Variants in RIF1 observed in about 807,000 individuals in gnomAD.
RIF1 encodes the protein replication timing regulatory factor 1, also known as telomere-associated protein RIF1.
A neutral mutation model predicts 247.1 loss-of-function variants in RIF1; 45 were observed. The ratio of observed to expected loss-of-function variants is 0.18; its 90% confidence interval spans 0.14 to 0.23. The LOEUF is 0.23. Among genes scored for constraint, RIF1 ranks in the 10% least tolerant of loss-of-function variants. The pLI is 1.00. For missense variants in RIF1, 2,967 were observed against 2,862.5 expected (o/e 1.04, Z -0.83); for synonymous variants, 1,087 against 978.8 (o/e 1.11, Z -2.06).
At position 151,429,025 on chromosome 2, in the gene RIF1, T is replaced by A. The variant is rs1011382397; in HGVS notation, c.925+103T>A. On this transcript the variant is annotated intron_variant, in intron 9 of 35. Transcript: ENST00000444746. ...TTTTGGATTTTAAGTTGAAGTTAAG[T>A]AACTACTGAATTATTTTCATTTTAA... The A allele has an allele frequency of 7.3e-6, 5 of 688,164 alleles. No homozygotes were observed. In the East Asian group the frequency reaches 1.4e-4, roughly 19 times the overall value. The allele number at this position is 688,164 out of a possible 1,614,324, so 42.6% of individuals were successfully genotyped here.
chr2:151,514,548 A>G, the RIF1 span: 382 of 800,874 alleles, frequency 4.8e-4, 2 homozygotes, highest in East Asian at 5.0e-3. Context: ...GTAAGTAAAA[A>G]TATGAATACA....
intron 3 of RIF1, among the ~76,000 whole-genome samples, chr2:151,413,906 T>C (rs901591731): frequency 6.6e-6 from 1 of 152,224 alleles, no homozygotes; most frequent in Non-Finnish European, 1.5e-5. Context: ...GAGTAGGAAA[T>C]GGTACAAGGG....
In RIF1 at chr2:151,435,467, G is replaced by A; in HGVS notation, c.1082G>A (p.Cys361Tyr). 1 of 1,593,228 alleles carries A rather than the reference G, an allele frequency of 6.3e-7. No homozygotes were observed. Among genetic ancestry groups the A allele is most frequent in the Non-Finnish European group, 8.6e-7 (1 of 1,161,248 alleles). The change falls in exon 11 of 36, where the codon TGT becomes TAT. Residue 361 changes from cysteine (C) to tyrosine (Y), a missense_variant. Transcript: ENST00000444746. ...ATGTTTTCTTTTACCCCATAGGTTT[G>A]TGTGCCTCTGATTCAAAGTACAATA... ...PHLPANFEQV[C>Y]VPLIQSTISI... is the part of the protein sequence containing the mutation.
intron 11 of RIF1, among the ~76,000 whole-genome samples, chr2:151,502,015 C>G (rs2065040844): frequency 6.6e-6 from 1 of 152,120 alleles, no homozygotes; most frequent in Non-Finnish European, 1.5e-5. Flanking sequence ...GCTGTGTTGT[C>G]TTTGAATGAA....
chr2:151,432,623 GGGATAATGA>G, intron 9 of RIF1, among the ~76,000 whole-genome samples: 1 of 152,198 alleles, frequency 6.6e-6, no homozygotes, highest in South Asian at 2.1e-4. Flanking sequence ...TTGTCAAATG[GGGATAATGA>G]GAATGCTAAA....
chr2:151,506,248 T>G (rs1320336855), exon 13 of RIF1: 1 of 1,612,300 alleles, frequency 6.2e-7, no homozygotes, highest in Non-Finnish European at 8.5e-7. Context: ...GACATCCTCT[T>G]TATATAAAAC....
chr2:151,506,156 G>T, intron 12 of RIF1: 1 of 1,596,118 alleles, frequency 6.3e-7, no homozygotes, highest in Non-Finnish European at 8.6e-7. Context: ...TGCATTCACT[G>T]TGTCTTTACC....
At chr2:151,502,387 T>TAA (rs34816284) in intron 11 of RIF1, among the ~76,000 whole-genome samples, 17 of 145,530 alleles carry the variant, frequency 1.2e-4, no homozygotes, top group African/African-American at 4.3e-4. Flanking sequence ...CATCTAAACA[T>TAA]AAAAAAAAAA....
chr2:151,530,988 A>C, the RIF1 span: 5 of 1,593,850 alleles, frequency 3.1e-6, no homozygotes, highest in Admixed American at 8.4e-5. Flanking sequence ...CCATTCTAGT[A>C]CTTACATCAC....
the RIF1 span, chr2:151,519,786 C>G: frequency 6.7e-7 from 1 of 1,496,598 alleles, no homozygotes; most frequent in Non-Finnish European, 9.3e-7. Flanking sequence ...CAAATGCAAA[C>G]ATCCAAATTA....
chr2:151,501,288 A>T, intron 11 of RIF1: 9 of 774,172 alleles, frequency 1.2e-5, no homozygotes, highest in South Asian at 2.0e-5. Context: ...TTAAAAAAAG[A>T]TTTTGTTAAA....
rs145117760 is a variant in RIF1 at position 151,481,823 on chromosome 2, C to A, written c.*6752C>A. 6.6e-6 allele frequency: 1 copy of A among 152,130 alleles called. No homozygotes were observed. Among genetic ancestry groups the A allele is most frequent in the African/African-American group, 2.4e-5 (1 of 41,414 alleles). 9.4% of individuals were successfully genotyped at this position (152,130 alleles called of 1,614,324 possible). ...GCACATGCAAGAGATCTAGGTTGTG[C>A]GCTCATTATGAGAATCTAATACCCG... On this transcript the variant is annotated 3_prime_UTR_variant, in exon 36 of 36. Coordinates refer to ENST00000444746, the MANE Select transcript of RIF1 (RefSeq NM_018151.5).
chr2:151,480,682 T>C lies in RIF1; in HGVS notation c.*5611T>C, dbSNP rs2049129675. ...ATAACTAGGAAGATCATCTTCAAAATAAAGTGTCATGGAACTGAAAATAGA... is the reference window on the plus strand; with the variant it reads ...ATAACTAGGAAGATCATCTTCAAAACAAAGTGTCATGGAACTGAAAATAGA... On this transcript the variant is annotated 3_prime_UTR_variant, in exon 36 of 36. Coordinates refer to ENST00000444746, the MANE Select transcript of RIF1 (RefSeq NM_018151.5). The C allele has an allele frequency of 6.6e-6, 1 of 152,192 alleles. No individual in the cohort carries two copies. Among genetic ancestry groups the C allele is most frequent in the South Asian group, 2.1e-4 (1 of 4,834 alleles). The allele number at this position is 152,192 out of a possible 1,614,324, so 9.4% of individuals were successfully genotyped here. A position where few individuals can be genotyped will look rare whatever the true frequency, so the allele number is the denominator to read the frequency against.
chr2:151,445,225 A>G (rs117208607), intron 18 of RIF1, 113 bp from the exon 19 acceptor site: 1 of 689,182 alleles, frequency 1.5e-6, no homozygotes, highest in East Asian at 2.6e-5. Context: ...CTTATTTTGA[A>G]TCTCATCATT....
intron 10 of RIF1, among the ~76,000 whole-genome samples, chr2:151,496,112 G>C (rs1014919660): frequency 1.3e-5 from 2 of 152,146 alleles, no homozygotes; most frequent in African/African-American, 2.4e-5. Context: ...TTGTTATTAT[G>C]GGGTTAGGCT....
At chr2:151,472,599 A>G (rs2048627758) in intron 34 of RIF1, among the ~76,000 whole-genome samples, 2 of 152,118 alleles carry the variant, frequency 1.3e-5, no homozygotes, top group Admixed American at 1.3e-4. Flanking sequence ...GAATTTTGTC[A>G]AAGGCCTTTT....
rs774004168 is a variant in RIF1 at position 151,416,707 on chromosome 2, T to C, written c.408+19T>C. On this transcript the variant is annotated intron_variant, in intron 5 of 35. Coordinates refer to ENST00000444746, the MANE Select transcript of RIF1 (RefSeq NM_018151.5). ...CAAAATGGTGAGTATAGTTTTTGGG[T>C]ATGCCATCTTAACTATATGCCAATT... 4 of 1,611,080 alleles carry C rather than the reference T, an allele frequency of 2.5e-6. No individual in the cohort carries two copies. In the Admixed American group the frequency reaches 5.1e-5, roughly 20 times the overall value.
At position 151,410,171 on chromosome 2, in the gene RIF1, G is replaced by A. The variant is rs531572998; in HGVS notation, c.-11+138G>A. 522 of 648,518 alleles carry A rather than the reference G, an allele frequency of 8.0e-4. 2 individuals carry two copies. In the Middle Eastern group the frequency reaches 0.011, roughly 13 times the overall value. The allele number at this position is 648,518 out of a possible 1,614,324, so 40.2% of individuals were successfully genotyped here. On this transcript the variant is annotated intron_variant, in intron 1 of 35. Coordinates refer to ENST00000444746, the MANE Select transcript of RIF1 (RefSeq NM_018151.5). ...CGATCTCCTCCCTCTGTTGAAAGCTGCCCGGGAAAGTGGTGGCGGGAGCGG... is the reference window on the plus strand; with the variant it reads ...CGATCTCCTCCCTCTGTTGAAAGCTACCCGGGAAAGTGGTGGCGGGAGCGG...
At chr2:151,513,847 G>A in the RIF1 span, among the ~76,000 whole-genome samples, 2 of 152,220 alleles carry the variant, frequency 1.3e-5, no homozygotes, top group Non-Finnish European at 2.9e-5. Flanking sequence ...CGTGTGGTAG[G>A]ATGAAGTGGT....
Sources: allele counts gnomAD v4.1 joint callset (sites outside exome capture counted in the v4.1 genomes callset), GRCh38; gene constraint gnomAD v4.1.1; transcripts MANE v1.5; gene names NCBI Gene and HGNC (gene_info 2026-07-23, HGNC 2026-07-21).